SLIT2: variants seen among roughly 807,000 people sequenced by gnomAD.
SLIT2 encodes the protein slit homolog 2 protein.
In SLIT2, 41 loss-of-function variants were observed where a neutral mutation model predicts 185.7. The ratio of observed to expected loss-of-function variants is 0.22; its 90% confidence interval spans 0.17 to 0.29. The LOEUF (loss-of-function observed/expected upper bound fraction) is 0.29. Ranked by LOEUF, SLIT2 falls within the 10% of genes least tolerant of loss-of-function variation. SLIT2 has a pLI of 1.00. For missense variants in SLIT2, 1,571 were observed against 1,909.0 expected, an observed-to-expected ratio of 0.82 and a Z score of 3.30; for synonymous variants, 693 against 680.2, an observed-to-expected ratio of 1.02 and a Z score of -0.29.
intron 4 of SLIT2, among the ~76,000 whole-genome samples, chr4:20,311,208 C>T (rs917491947): frequency 2.0e-5 from 3 of 152,106 alleles, no homozygotes; most frequent in African/African-American, 7.2e-5. Flanking sequence ...TATTTTATAC[C>T]AAAATAATTT....
At chr4:20,263,691 A>G (rs561616920) in intron 3 of SLIT2, among the ~76,000 whole-genome samples, 3 of 151,994 alleles carry the variant, frequency 2.0e-5, no homozygotes, top group African/African-American at 7.2e-5. Flanking sequence ...ACCTTGCTTC[A>G]TCTTTCAAAA....
intron 5 of SLIT2, among the ~76,000 whole-genome samples, chr4:20,472,250 A>ATATATCTATATATAGATATATATC (rs1225217007): frequency 0.012 from 528 of 43,960 alleles, 57 homozygotes; most frequent in East Asian, 0.088. Context: ...ATATATCTAT[A>ATATATCTATATATAGATATATATC]TATAGATCTA....
intron 4 of SLIT2, among the ~76,000 whole-genome samples, chr4:20,412,904 T>C (rs929513761): frequency 2.6e-5 from 4 of 152,148 alleles, no homozygotes; most frequent in African/African-American, 9.6e-5. Flanking sequence ...CTTATTTCTG[T>C]ACTATCACTT....
intron 33 of SLIT2, 50 bp downstream of exon 33, chr4:20,598,445 G>A (rs1266918593): frequency 6.3e-7 from 1 of 1,598,700 alleles, no homozygotes; most frequent in Non-Finnish European, 8.6e-7. Context: ...GCTTAATGAA[G>A]AACTGCTTCT....
chr4:20,317,708 C>T (rs540990489), intron 4 of SLIT2, among the ~76,000 whole-genome samples: 2 of 151,922 alleles, frequency 1.3e-5, no homozygotes, highest in African/African-American at 2.4e-5. Context: ...CTGGTGGTTT[C>T]GTGCTTAGTT....
intron 9 of SLIT2, among the ~76,000 whole-genome samples, chr4:20,495,838 T>G (rs2148804315): frequency 6.6e-6 from 1 of 152,310 alleles, no homozygotes; most frequent in Non-Finnish European, 1.5e-5. Flanking sequence ...GTGGCATAAC[T>G]TACTAGCTTA....
chr4:20,417,522 GTA>G (rs528543015), intron 4 of SLIT2, among the ~76,000 whole-genome samples: 2 of 146,802 alleles, frequency 1.4e-5, no homozygotes, highest in South Asian at 2.1e-4. Flanking sequence ...ATGTGTGTGT[GTA>G]TATATATATA....
intron 33 of SLIT2, among the ~76,000 whole-genome samples, chr4:20,607,509 A>G (rs1442106052): frequency 2.0e-5 from 3 of 152,192 alleles, no homozygotes; most frequent in Admixed American, 6.5e-5. Flanking sequence ...AGAGTTTAAG[A>G]CATGTACTCC....
chr4:20,483,900 A>G (rs1309113658), intron 6 of SLIT2, among the ~76,000 whole-genome samples: 2 of 152,074 alleles, frequency 1.3e-5, no homozygotes, highest in African/African-American at 4.8e-5. Flanking sequence ...CATACTTAAC[A>G]CTTATATTTA....
chr4:20,291,210 C>T (rs1430332205), intron 4 of SLIT2, among the ~76,000 whole-genome samples: 1 of 151,892 alleles, frequency 6.6e-6, no homozygotes, highest in Non-Finnish European at 1.5e-5. Context: ...GTGTGATGTT[C>T]CTCAGATATC....
chr4:20,472,503 TATATATAG>T (rs1715488091), intron 5 of SLIT2, among the ~76,000 whole-genome samples: 1 of 13,332 alleles, frequency 7.5e-5, no homozygotes, highest in Non-Finnish European at 1.1e-4. Flanking sequence ...GATATATATC[TATATATAG>T]ATAGATATAT....
At chr4:20,392,142 A>G (rs1725475750) in intron 4 of SLIT2, 1 of 151,956 alleles carries the variant, frequency 6.6e-6, no homozygotes, top group Admixed American at 6.6e-5. Flanking sequence ...GGGTACTTAC[A>G]CAAACCTAGA....
intron 9 of SLIT2, among the ~76,000 whole-genome samples, chr4:20,507,220 G>A (rs766791879): frequency 8.6e-5 from 13 of 151,768 alleles, no homozygotes; most frequent in Non-Finnish European, 1.5e-4. Context: ...AAAAAACAAG[G>A]CCTTATTTAT....
intron 4 of SLIT2, among the ~76,000 whole-genome samples, chr4:20,274,293 A>AAAAATAG: frequency 6.6e-6 from 1 of 152,178 alleles, no homozygotes; most frequent in African/African-American, 2.4e-5. Context: ...TTGCCACTTA[A>AAAAATAG]AAAATAGAGG....
chr4:20,377,782 C>A (rs1724152654), intron 4 of SLIT2, among the ~76,000 whole-genome samples: 1 of 152,136 alleles, frequency 6.6e-6, no homozygotes. Flanking sequence ...GTTGGTTTCT[C>A]AGACTGCTCC....
At chr4:20,492,352 A>G (rs1161007678) in intron 9 of SLIT2, among the ~76,000 whole-genome samples, 1 of 152,252 alleles carries the variant, frequency 6.6e-6, no homozygotes, top group Non-Finnish European at 1.5e-5. Context: ...AGTTCAATGC[A>G]AAGTGAAGAA....
intron 9 of SLIT2, among the ~76,000 whole-genome samples, chr4:20,492,870 C>T (rs1305899719): frequency 6.6e-6 from 1 of 152,136 alleles, no homozygotes; most frequent in Non-Finnish European, 1.5e-5. Context: ...GTTCACAGGA[C>T]TCACTGCCAT....
At chr4:20,495,787 A>C (rs1402065331) in intron 9 of SLIT2, among the ~76,000 whole-genome samples, 1 of 152,222 alleles carries the variant, frequency 6.6e-6, no homozygotes, top group Non-Finnish European at 1.5e-5. Flanking sequence ...AATAATATTG[A>C]TCCTCAACTC....
intron 6 of SLIT2, among the ~76,000 whole-genome samples, chr4:20,483,617 C>T (rs1255021717): frequency 6.6e-6 from 1 of 151,924 alleles, no homozygotes. Flanking sequence ...CCACTAAATA[C>T]CAAACTCTGC....
Sources: gnomAD v4.1 joint callset for allele counts (sites outside exome capture counted in the v4.1 genomes callset) on GRCh38, gnomAD v4.1.1 for gene constraint, MANE v1.5 for transcripts, NCBI Gene and HGNC (gene_info 2026-07-23, HGNC 2026-07-21) for gene names.